The following JMJD1C variants were observed in gnomAD, a reference collection of about 807,000 sequenced individuals.
JMJD1C encodes jumonji domain-containing protein 1C.
Under a neutral mutation model 245.3 loss-of-function variants are expected in JMJD1C, and 31 were observed. That is an observed-to-expected ratio of 0.13 (90% confidence interval 0.09 to 0.17). The LOEUF (loss-of-function observed/expected upper bound fraction) is 0.17. Ranked by LOEUF, JMJD1C falls within the 10% of genes least tolerant of loss-of-function variation. JMJD1C has a pLI of 1.00. For missense variants in JMJD1C, 2,691 were observed against 3,000.2 expected (o/e 0.90, Z 2.41); for synonymous variants, 1,057 against 1,017.4 (o/e 1.04, Z -0.74).
intron 1 of JMJD1C, among the ~76,000 whole-genome samples, chr10:63,425,768 C>T (rs919965755): frequency 6.6e-6 from 1 of 152,114 alleles, no homozygotes; most frequent in African/African-American, 2.4e-5. Flanking sequence ...GGAAACAGAG[C>T]AACACCCTGT....
At chr10:63,354,899 T>C (rs1944699505) in intron 2 of JMJD1C, among the ~76,000 whole-genome samples, 1 of 149,716 alleles carries the variant, frequency 6.7e-6, no homozygotes, top group African/African-American at 2.5e-5. Context: ...GGTGTGCACC[T>C]GTGGTCCCAG....
intron 1 of JMJD1C, among the ~76,000 whole-genome samples, chr10:63,492,854 T>G (rs1440804719): frequency 1.3e-5 from 2 of 152,140 alleles, no homozygotes; most frequent in African/African-American, 4.8e-5. Context: ...CTGAACATAA[T>G]TCAGACAAAT....
intron 3 of JMJD1C, among the ~76,000 whole-genome samples, chr10:63,226,397 G>A (rs1272210592): frequency 1.3e-5 from 2 of 152,016 alleles, no homozygotes; most frequent in Non-Finnish European, 2.9e-5. Flanking sequence ...TCAAAATAAA[G>A]GTATTTTTTC....
chr10:63,519,718 A>G (rs1955146321), intron 1 of JMJD1C, among the ~76,000 whole-genome samples: 1 of 152,230 alleles, frequency 6.6e-6, no homozygotes, highest in East Asian at 1.9e-4. Flanking sequence ...AATGGGGAGC[A>G]AAGTGTTAAG....
At chr10:63,298,982 C>T (rs1432734689) in intron 2 of JMJD1C, among the ~76,000 whole-genome samples, 1 of 152,142 alleles carries the variant, frequency 6.6e-6, no homozygotes, top group Non-Finnish European at 1.5e-5. Context: ...CCGCCCACCT[C>T]AGCCTCCCAA....
chr10:63,205,718 G>A (rs1846522698), intron 10 of JMJD1C, among the ~76,000 whole-genome samples: 2 of 152,160 alleles, frequency 1.3e-5, no homozygotes, highest in South Asian at 4.1e-4. Context: ...TTATACTGTA[G>A]ATAATTGTAA....
chr10:63,347,784 G>A (rs1174205502), intron 2 of JMJD1C, among the ~76,000 whole-genome samples: 1 of 151,586 alleles, frequency 6.6e-6, no homozygotes, highest in Non-Finnish European at 1.5e-5. Flanking sequence ...GCGTGGTGTG[G>A]GCACCTGTAA....
chr10:63,401,941 C>A (rs1158384508), intron 1 of JMJD1C, among the ~76,000 whole-genome samples: 3 of 152,016 alleles, frequency 2.0e-5, no homozygotes, highest in Non-Finnish European at 1.5e-5. Context: ...TCGAGATCAG[C>A]CTGACCAACA....
chr10:63,449,887 G>A (rs1232817812), intron 1 of JMJD1C, among the ~76,000 whole-genome samples: 1 of 152,024 alleles, frequency 6.6e-6, no homozygotes. Context: ...AGGCCGAGGT[G>A]GGAAGATCAC....
At chr10:63,358,584 A>T (rs545489062) in intron 2 of JMJD1C, among the ~76,000 whole-genome samples, 85 of 152,262 alleles carry the variant, frequency 5.6e-4, no homozygotes, top group African/African-American at 1.7e-3. Context: ...AAAAGAAAAA[A>T]TTATGAAAAC....
intron 2 of JMJD1C, among the ~76,000 whole-genome samples, chr10:63,363,233 T>C (rs1006758344): frequency 6.6e-6 from 1 of 150,554 alleles, no homozygotes; most frequent in Non-Finnish European, 1.5e-5. Context: ...ACTGGGAGTC[T>C]ACTTCTCTTC....
At chr10:63,184,053 G>GT (rs1843804288) in intron 21 of JMJD1C, among the ~76,000 whole-genome samples, 2 of 75,812 alleles carry the variant, frequency 2.6e-5, no homozygotes, top group Admixed American at 1.1e-4. Context: ...TCAGCCTCCT[G>GT]ATAGCTGGGA....
chr10:63,461,112 G>A (rs543098094), intron 1 of JMJD1C, among the ~76,000 whole-genome samples: 1 of 152,212 alleles, frequency 6.6e-6, no homozygotes, highest in East Asian at 1.9e-4. Context: ...GTAACTGCAC[G>A]AGTTTATGTC....
chr10:63,274,792 T>A (rs1243385553), intron 2 of JMJD1C, among the ~76,000 whole-genome samples: 1 of 152,198 alleles, frequency 6.6e-6, no homozygotes, highest in African/African-American at 2.4e-5. Context: ...CAAGGCACCA[T>A]GCTTTGGGCC....
chr10:63,390,389 A>C (rs1027337440), intron 1 of JMJD1C, among the ~76,000 whole-genome samples: 3 of 152,136 alleles, frequency 2.0e-5, no homozygotes, highest in Admixed American at 2.0e-4. Flanking sequence ...AGTAGTAAAA[A>C]ATCTCCCAAA....
At chr10:63,307,411 G>A (rs572484698) in intron 2 of JMJD1C, among the ~76,000 whole-genome samples, 8 of 152,220 alleles carry the variant, frequency 5.3e-5, no homozygotes, top group African/African-American at 1.4e-4. Context: ...AATCATATAC[G>A]TCTATGTAAT....
At chr10:63,309,872 G>A (rs537830627) in intron 2 of JMJD1C, among the ~76,000 whole-genome samples, 20 of 152,150 alleles carry the variant, frequency 1.3e-4, no homozygotes, top group Admixed American at 5.2e-4. Context: ...AGCCAAGATC[G>A]CGCCATTGCA....
chr10:63,465,266 G>A (rs779283792), intron 1 of JMJD1C: 7 of 516,100 alleles, frequency 1.4e-5, no homozygotes, highest in East Asian at 3.4e-5. Context: ...GGCAGCCTCC[G>A]CGGCTATCCC....
chr10:63,320,015 CT>C (rs1485384108), intron 2 of JMJD1C, among the ~76,000 whole-genome samples: 1 of 152,198 alleles, frequency 6.6e-6, no homozygotes, highest in African/African-American at 2.4e-5. Context: ...ATCCACCCGC[CT>C]CAGCCTCCCA....
Sources: allele counts gnomAD v4.1 joint callset (sites outside exome capture counted in the v4.1 genomes callset), GRCh38; gene constraint gnomAD v4.1.1; transcripts MANE v1.5; gene names NCBI Gene and HGNC (gene_info 2026-07-23, HGNC 2026-07-21).